TENT5C: variants seen among roughly 807,000 people sequenced by gnomAD.
TENT5C encodes the protein family with sequence similarity 46 member C.
In TENT5C, 5 loss-of-function variants were observed where a neutral mutation model predicts 22.2. The ratio of observed to expected loss-of-function variants is 0.22; its 90% CI spans 0.12 to 0.47. The LOEUF is 0.47. Among genes scored for constraint, TENT5C ranks in the 20% least tolerant of loss-of-function variants. The probability of loss-of-function intolerance (pLI) is 0.99; values close to 1 mark genes in which losing one functional copy is unlikely to be tolerated. For missense variants in TENT5C, 364 were observed against 500.9 expected (o/e 0.73, Z 2.61); for synonymous variants, 199 against 195.4 (o/e 1.02, Z -0.15).
intron 1 of TENT5C, among the ~76,000 whole-genome samples, chr1:117,609,633 G>A (rs1653622452): frequency 6.6e-6 from 1 of 152,204 alleles, no homozygotes; most frequent in African/African-American, 2.4e-5. Flanking sequence ...AAGAGCTCTG[G>A]ATGCGAGAGG....
chr1:117,623,024 C>T lies in TENT5C; in HGVS notation c.156C>T (p.Val52=), dbSNP rs759589680. ...PTLEITLKDI[V]QTVRSRLEEA... ...TGGAGATAACTCTGAAGGACATCGTCCAGACCGTCCGCAGTCGGCTGGAGG... is the reference window on the plus strand; with the variant it reads ...TGGAGATAACTCTGAAGGACATCGTTCAGACCGTCCGCAGTCGGCTGGAGG... Residue 52 remains valine, a synonymous_variant, in exon 2 of 2, where the codon GTC becomes GTT. Coordinates refer to ENST00000369448, the MANE Select transcript of TENT5C (RefSeq NM_017709.4). The T allele has an allele frequency of 1.2e-6, 2 of 1,614,190 alleles. No homozygotes were observed. Among genetic ancestry groups the T allele is most frequent in the Non-Finnish European group, 8.5e-7 (1 of 1,180,040 alleles).
At chr1:117,615,267 CTCT>C (rs1653756812) in intron 1 of TENT5C, among the ~76,000 whole-genome samples, 1 of 152,294 alleles carries the variant, frequency 6.6e-6, no homozygotes, top group Non-Finnish European at 1.5e-5. Context: ...GCACAACCAG[CTCT>C]TCTTCAAGCT....
intron 1 of TENT5C, among the ~76,000 whole-genome samples, chr1:117,620,868 T>C (rs1653879769): frequency 6.6e-6 from 1 of 152,134 alleles, no homozygotes; most frequent in Non-Finnish European, 1.5e-5. Flanking sequence ...ATGGAAAAAT[T>C]GTCTTCCACA....
At chr1:117,620,101 C>CA (rs538714309) in intron 1 of TENT5C, among the ~76,000 whole-genome samples, 9 of 151,768 alleles carry the variant, frequency 5.9e-5, no homozygotes, top group Middle Eastern at 6.9e-3. Flanking sequence ...TTCCCCCCAC[C>CA]AAAAAAAAGG....
chr1:117,608,981 T>C (rs2101072054), intron 1 of TENT5C, among the ~76,000 whole-genome samples: 1 of 152,342 alleles, frequency 6.6e-6, no homozygotes, highest in Non-Finnish European at 1.5e-5. Flanking sequence ...ATAAGGTCTG[T>C]TGCTTTTTGT....
At chr1:117,610,630 C>T (rs554717784) in intron 1 of TENT5C, among the ~76,000 whole-genome samples, 4 of 152,324 alleles carry the variant, frequency 2.6e-5, no homozygotes, top group African/African-American at 7.2e-5. Context: ...TGGGTTCAAG[C>T]GATCCTCCTA....
chr1:117,609,945 C>T (rs1038117121), intron 1 of TENT5C, among the ~76,000 whole-genome samples: 1 of 152,068 alleles, frequency 6.6e-6, no homozygotes, highest in Non-Finnish European at 1.5e-5. Context: ...AGCTGAGGGG[C>T]AGTGACTAGC....
chr1:117,623,477 T>C lies in TENT5C; in HGVS notation c.609T>C (p.Ser203=). 6.2e-7 allele frequency: 1 copy of C among 1,614,104 alleles called. No homozygotes were observed. The change falls in exon 2 of 2, where the codon TCT becomes TCC. Residue 203 remains serine (S), a synonymous_variant. Transcript: ENST00000369448. ...ATGACTGTTCCAATAATCCCATCTC[T>C]GAGCACTTCCACCCCACCGTGATTG... ...FFYDCSNNPI[S]EHFHPTVIGE... is the part of the protein sequence containing the mutation.
At chr1:117,608,574 C>T (rs1451868870) in intron 1 of TENT5C, among the ~76,000 whole-genome samples, 3 of 152,198 alleles carry the variant, frequency 2.0e-5, no homozygotes, top group Admixed American at 2.0e-4. Context: ...CTCTTGTTTT[C>T]ACAGTACCAT....
rs1365756280 is a variant in TENT5C at position 117,628,238 on chromosome 1, T to C, written c.*4194T>C. ...GAAATATTTCTTAGTGCCTAGGAGG[T>C]CTGGGGATTCCTCTTTCGTGGTGGT... On this transcript the variant is annotated 3_prime_UTR_variant, in exon 2 of 2. Coordinates refer to ENST00000369448, the MANE Select transcript of TENT5C (RefSeq NM_017709.4). 1 of 247,346 alleles carries C rather than the reference T, an allele frequency of 4.0e-6. No individual in the cohort carries two copies. Among genetic ancestry groups the C allele is most frequent in the African/African-American group, 2.2e-5 (1 of 45,306 alleles). The allele number at this position is 247,346 out of a possible 1,614,324, so 15.3% of individuals were successfully genotyped here. A position where few individuals can be genotyped will look rare whatever the true frequency, so the allele number is the denominator to read the frequency against.
intron 1 of TENT5C, among the ~76,000 whole-genome samples, chr1:117,621,312 G>T (rs1653890462): frequency 6.6e-6 from 1 of 152,084 alleles, no homozygotes; most frequent in African/African-American, 2.4e-5. Context: ...GTTGGCTTGT[G>T]TCCCCTCTCC....
chr1:117,609,040 C>G (rs2101072078), intron 1 of TENT5C, among the ~76,000 whole-genome samples: 1 of 152,282 alleles, frequency 6.6e-6, no homozygotes, highest in South Asian at 2.1e-4. Context: ...TTCCTGCCAT[C>G]TTGGTGTTTT....
intron 1 of TENT5C, among the ~76,000 whole-genome samples, chr1:117,619,032 T>G (rs1010430047): frequency 7.2e-5 from 11 of 152,210 alleles, no homozygotes; most frequent in African/African-American, 2.7e-4. Flanking sequence ...ACTGCATGCG[T>G]TTCTGTATTG....
At chr1:117,610,112 CT>C (rs1653633004) in intron 1 of TENT5C, among the ~76,000 whole-genome samples, 1 of 152,150 alleles carries the variant, frequency 6.6e-6, no homozygotes, top group Non-Finnish European at 1.5e-5. Context: ...CTGATTCTTT[CT>C]CTTTTTTATT....
intron 1 of TENT5C, among the ~76,000 whole-genome samples, chr1:117,612,294 G>T (rs1036130606): frequency 1.3e-5 from 2 of 151,036 alleles, no homozygotes; most frequent in African/African-American, 2.4e-5. Context: ...CACACTGTGC[G>T]TCAGACTTGA....
At chr1:117,614,834 G>A (rs980182019) in intron 1 of TENT5C, among the ~76,000 whole-genome samples, 11 of 152,106 alleles carry the variant, frequency 7.2e-5, no homozygotes, top group East Asian at 1.9e-4. Flanking sequence ...TCAGCAAGGC[G>A]ACTGTGCAGC....
chr1:117,608,997 C>T (rs1313737932), intron 1 of TENT5C, among the ~76,000 whole-genome samples: 4 of 152,138 alleles, frequency 2.6e-5, no homozygotes, highest in African/African-American at 7.2e-5. Flanking sequence ...TTTGTGTTGT[C>T]ATTGAGGTAA....
At chr1:117,617,409 T>C (rs554455617) in intron 1 of TENT5C, among the ~76,000 whole-genome samples, 73 of 151,766 alleles carry the variant, frequency 4.8e-4, no homozygotes, top group African/African-American at 1.5e-3. Context: ...CTTCAGTGTG[T>C]GTATTCTACC....
At chr1:117,607,435 C>A (rs1653566214) in intron 1 of TENT5C, among the ~76,000 whole-genome samples, 1 of 152,288 alleles carries the variant, frequency 6.6e-6, no homozygotes, top group African/African-American at 2.4e-5. Flanking sequence ...AGTAAGAAAG[C>A]TTTTATAAAT....
Sources: gnomAD v4.1 joint callset for allele counts (sites outside exome capture counted in the v4.1 genomes callset) on GRCh38, gnomAD v4.1.1 for gene constraint, MANE v1.5 for transcripts, NCBI Gene and HGNC (gene_info 2026-07-23, HGNC 2026-07-21) for gene names.